ITGA9: variants seen among roughly 807,000 people sequenced by gnomAD.
The protein encoded by ITGA9 is integrin subunit alpha 9.
In ITGA9, 56 loss-of-function variants were observed where a neutral mutation model predicts 127.8. That is an observed-to-expected ratio of 0.44 (90% CI 0.35 to 0.55). The LOEUF is 0.55. Ranked by LOEUF, ITGA9 falls within the 20% of genes least tolerant of loss-of-function variation. The pLI, the probability that ITGA9 is intolerant of heterozygous loss-of-function variation, is 0.00. For missense variants in ITGA9, 1,196 were observed against 1,347.1 expected, an observed-to-expected ratio of 0.89 and a Z score of 1.76; for synonymous variants, 508 against 514.5, an observed-to-expected ratio of 0.99 and a Z score of 0.17.
chr3:37,701,743 C>G (rs1201934184), intron 18 of ITGA9, among the ~76,000 whole-genome samples: 4 of 152,198 alleles, frequency 2.6e-5, no homozygotes, highest in African/African-American at 4.8e-5. Context: ...CAACCTGTGA[C>G]CACCTCACAG....
intron 18 of ITGA9, among the ~76,000 whole-genome samples, chr3:37,724,910 T>G (rs1701230579): frequency 6.6e-6 from 1 of 152,188 alleles, no homozygotes; most frequent in Non-Finnish European, 1.5e-5. Flanking sequence ...GGATGATGTA[T>G]AAGTCCTTTC....
intron 16 of ITGA9, among the ~76,000 whole-genome samples, chr3:37,636,476 GTTGT>G (rs1352026462): frequency 2.0e-5 from 3 of 152,158 alleles, no homozygotes; most frequent in African/African-American, 7.2e-5. Context: ...TTTTGATGGG[GTTGT>G]TTGTTTTTTT....
intron 19 of ITGA9, among the ~76,000 whole-genome samples, chr3:37,733,322 A>G (rs139415433): frequency 1.4e-3 from 212 of 152,242 alleles, no homozygotes; most frequent in African/African-American, 5.0e-3. Flanking sequence ...CAGATTTTCT[A>G]AGTTCAAATA....
intron 4 of ITGA9, among the ~76,000 whole-genome samples, chr3:37,490,065 G>A (rs572771158): frequency 3.9e-5 from 6 of 151,938 alleles, no homozygotes; most frequent in Admixed American, 6.6e-5. Context: ...CCTGAGTGGC[G>A]GGGTGAGTAG....
chr3:37,809,606 G>C (rs2125564936), intron 27 of ITGA9, among the ~76,000 whole-genome samples: 1 of 152,018 alleles, frequency 6.6e-6, no homozygotes, highest in South Asian at 2.1e-4. Context: ...CTTGGTGGAG[G>C]GGATTTCTTT....
chr3:37,608,808 T>G lies in ITGA9; in HGVS notation c.1690-20379T>G, dbSNP rs530364737. On this transcript the variant is annotated intron_variant, in intron 15 of 27. Transcript: ENST00000264741. Reference sequence around the variant, plus strand: ...GTTGTTGTTTCTTTGAGGTTTTCTCTGAAACTTCAGATTAAGGTAGTCCTT... The same window carrying G: ...GTTGTTGTTTCTTTGAGGTTTTCTCGGAAACTTCAGATTAAGGTAGTCCTT... 2.0e-5 allele frequency among the ~76,000 whole-genome samples: 3 copies of G among 152,320 alleles called. No individual in the cohort carries two copies. The East Asian group carries it at 5.8e-4, about 29-fold the overall frequency.
chr3:37,712,126 C>T (rs943421659), intron 18 of ITGA9, among the ~76,000 whole-genome samples: 5 of 151,512 alleles, frequency 3.3e-5, no homozygotes, highest in South Asian at 2.1e-4. Context: ...ACCTCCTATG[C>T]GGCAGGAGCT....
chr3:37,804,057 A>C, intron 27 of ITGA9, 115 bp downstream of exon 27: 1 of 1,431,890 alleles, frequency 7.0e-7, no homozygotes, highest in Non-Finnish European at 9.8e-7. Flanking sequence ...GCACCGGTAC[A>C]GTGAAGGACA....
intron 17 of ITGA9, among the ~76,000 whole-genome samples, chr3:37,666,728 G>T (rs1700590221): frequency 6.6e-6 from 1 of 152,196 alleles, no homozygotes; most frequent in Non-Finnish European, 1.5e-5. Context: ...AGGGTCGCAT[G>T]GAAATAAACT....
At position 37,639,398 on chromosome 3, in the gene ITGA9, TGAG is replaced by T. The variant is rs1272667930; in HGVS notation, c.1839+10066_1839+10068del. Among the ~76,000 whole-genome samples the T allele has an allele frequency of 5.3e-5, 8 of 152,192 alleles. No homozygotes were observed. The East Asian group carries it at 5.8e-4, about 11-fold the overall frequency. On this transcript the variant is annotated intron_variant, in intron 16 of 27. Transcript: ENST00000264741. Reference sequence around the variant, plus strand: ...TTTCACTGCAGAGGCCACTTCTGGCTGAGGAGAAGATGTTCTATGGAGAAAAGG... The same window carrying T: ...TTTCACTGCAGAGGCCACTTCTGGCTGAGAAGATGTTCTATGGAGAAAAGG...
At chr3:37,669,611 C>T (rs1283985768) in intron 17 of ITGA9, among the ~76,000 whole-genome samples, 1 of 152,100 alleles carries the variant, frequency 6.6e-6, no homozygotes, top group African/African-American at 2.4e-5. Flanking sequence ...GAAATCAAAT[C>T]CAATGTATTT....
intron 16 of ITGA9, among the ~76,000 whole-genome samples, chr3:37,644,900 T>A (rs1700363195): frequency 6.6e-6 from 1 of 152,222 alleles, no homozygotes; most frequent in South Asian, 2.1e-4. Context: ...AGTGTATGCC[T>A]TGATTTTAAG....
chr3:37,776,035 C>T (rs1696903385), intron 23 of ITGA9, among the ~76,000 whole-genome samples: 1 of 152,180 alleles, frequency 6.6e-6, no homozygotes, highest in Non-Finnish European at 1.5e-5. Context: ...TTTGCAGGAA[C>T]ATGGATGGAG....
chr3:37,642,105 TTA>T (rs932383093), intron 16 of ITGA9, among the ~76,000 whole-genome samples: 1 of 151,974 alleles, frequency 6.6e-6, no homozygotes, highest in Admixed American at 6.6e-5. Context: ...GCCTGGCTAT[TTA>T]AAAAAAAAAA....
chr3:37,796,297 T>TCTCC (rs1187267362), intron 26 of ITGA9, among the ~76,000 whole-genome samples: 1 of 152,174 alleles, frequency 6.6e-6, no homozygotes, highest in East Asian at 1.9e-4. Context: ...ATCATGAACT[T>TCTCC]CTCCTTTGTA....
intron 15 of ITGA9, among the ~76,000 whole-genome samples, chr3:37,576,983 T>A (rs748873578): frequency 1.3e-5 from 2 of 152,250 alleles, no homozygotes; most frequent in Non-Finnish European, 2.9e-5. Context: ...TTCACAGTCA[T>A]GTGTGGCTAG....
At chr3:37,663,493 G>A (rs1487529197) in intron 17 of ITGA9, among the ~76,000 whole-genome samples, 1 of 152,138 alleles carries the variant, frequency 6.6e-6, no homozygotes, top group Non-Finnish European at 1.5e-5. Context: ...GTTGGGTGGT[G>A]GGGCGAAGTG....
In ITGA9 at chr3:37,491,288, T is replaced by G. The variant is rs155530; in HGVS notation, c.545-3213T>G. ...CACCGTGCTGGCCAGCTTCCCCAAA[T>G]GTAAGGGTTAGGTTTGTTACAGTGC... On this transcript the variant is annotated intron_variant, in intron 4 of 27. Transcript: ENST00000264741. Among the ~76,000 whole-genome samples, 842 of 152,246 alleles carry G rather than the reference T, an allele frequency of 5.5e-3. 2 individuals are homozygous for G. Among genetic ancestry groups the G allele is most frequent in the Non-Finnish European group, 8.6e-3 (585 of 68,000 alleles).
chr3:37,815,433 AC>A (rs748522951), intron 27 of ITGA9, among the ~76,000 whole-genome samples: 1 of 151,940 alleles, frequency 6.6e-6, no homozygotes, highest in Non-Finnish European at 1.5e-5. Context: ...ACAAGATGAA[AC>A]CCCGTCTCTA....
Sources: allele counts gnomAD v4.1 joint callset (sites outside exome capture counted in the v4.1 genomes callset), GRCh38; gene constraint gnomAD v4.1.1; transcripts MANE v1.5; gene names NCBI Gene and HGNC (gene_info 2026-07-23, HGNC 2026-07-21).